Variants in FBRSL1 observed in about 807,000 individuals in gnomAD.
FBRSL1 encodes the protein fibrosin-1-like protein.
FBRSL1 carries 51 observed loss-of-function variants against 89.6 expected under a neutral mutation model. The ratio of observed to expected loss-of-function variants is 0.57; its 90% CI spans 0.45 to 0.72. The LOEUF (loss-of-function observed/expected upper bound fraction) is 0.72. Ranked by LOEUF, FBRSL1 falls within the 30% of genes least tolerant of loss-of-function variation. The pLI is 0.00. For missense variants in FBRSL1, 1,618 were observed against 1,451.8 expected, an observed-to-expected ratio of 1.11 and a Z score of -1.86; for synonymous variants, 779 against 681.1, an observed-to-expected ratio of 1.14 and a Z score of -2.24.
At chr12:132,574,619 G>C in intron 14 of FBRSL1, 55 bp downstream of exon 14, 2 of 1,526,286 alleles carry the variant, frequency 1.3e-6, no homozygotes, top group Non-Finnish European at 8.8e-7. Flanking sequence ...CAGCCTGGTC[G>C]GGCCCTGAAG....
rs184110966 is a variant in FBRSL1 at position 132,544,381 on chromosome 12, C to T, written c.616-3622C>T. Among the ~76,000 whole-genome samples the T allele has an allele frequency of 4.0e-3, 616 of 152,224 alleles. 2 individuals carry two copies. Among genetic ancestry groups the T allele is most frequent in the African/African-American group, 0.014 (577 of 41,528 alleles). Reference sequence around the variant, plus strand: ...GAGAGACTTGATATCGGGGTCTCCTCGTGGCTACAGGAAGGCTCACCTTTC... The same window carrying T: ...GAGAGACTTGATATCGGGGTCTCCTTGTGGCTACAGGAAGGCTCACCTTTC... On this transcript the variant is annotated intron_variant, in intron 4 of 18. Coordinates refer to ENST00000680143, the MANE Select transcript of FBRSL1 (RefSeq NM_001367871.1).
chr12:132,563,447 A>T (rs2039316476), intron 5 of FBRSL1, among the ~76,000 whole-genome samples: 1 of 148,074 alleles, frequency 6.8e-6, no homozygotes, highest in African/African-American at 2.5e-5. Context: ...CACAGCCTGC[A>T]CCATGTCTGG....
intron 5 of FBRSL1, chr12:132,554,504 C>CTT (rs1235271191): frequency 2.0e-5 from 3 of 152,216 alleles, no homozygotes; most frequent in Non-Finnish European, 4.4e-5. Context: ...AAATATGCAT[C>CTT]TTAATGCTTT....
At chr12:132,559,113 G>A (rs548649507) in intron 5 of FBRSL1, among the ~76,000 whole-genome samples, 54 of 152,352 alleles carry the variant, frequency 3.5e-4, no homozygotes, top group African/African-American at 1.3e-3. Flanking sequence ...GCTGGGCCTC[G>A]ATCCGAGTTC....
In FBRSL1 at chr12:132,574,685, C is replaced by T. The variant is rs951150700; in HGVS notation, c.1701+121C>T. The T allele has an allele frequency of 3.7e-5, 46 of 1,242,836 alleles. 1 individual carries two copies. Among genetic ancestry groups the T allele is most frequent in the Middle Eastern group, 2.7e-4 (1 of 3,712 alleles). The allele number at this position is 1,242,836 out of a possible 1,614,324, so 77.0% of individuals were successfully genotyped here. Reference sequence around the variant, plus strand: ...CGTGTGCACGGGTGTGATCCTCACGCGTGAGCCGCCTGCCCCTTCCTCTGG... The same window carrying T: ...CGTGTGCACGGGTGTGATCCTCACGTGTGAGCCGCCTGCCCCTTCCTCTGG... On this transcript the variant is annotated intron_variant, in intron 14 of 18. Coordinates refer to ENST00000680143, the MANE Select transcript of FBRSL1 (RefSeq NM_001367871.1).
At chr12:132,527,920 G>A in intron 3 of FBRSL1, 33 bp from the exon 4 acceptor site, 2 of 1,550,422 alleles carry the variant, frequency 1.3e-6, no homozygotes, top group Non-Finnish European at 1.7e-6. Context: ...CCGAGTGGCA[G>A]CCTCACTGAC....
chr12:132,506,456 G>A (rs954129923), intron 1 of FBRSL1, among the ~76,000 whole-genome samples: 1 of 152,202 alleles, frequency 6.6e-6, no homozygotes, highest in African/African-American at 2.4e-5. Context: ...TCTGCCCTCT[G>A]CCTGTCCCCT....
intron 15 of FBRSL1, among the ~76,000 whole-genome samples, chr12:132,579,769 CT>C (rs1406200814): frequency 6.6e-6 from 1 of 152,170 alleles, no homozygotes; most frequent in African/African-American, 2.4e-5. Context: ...AGGCGCTTTC[CT>C]TTTTTCTGCT....
At position 132,572,439 on chromosome 12, in the gene FBRSL1, C is replaced by G; in HGVS notation, c.1435-88C>G. The G allele has an allele frequency of 4.0e-6, 6 of 1,506,274 alleles. No individual in the cohort carries two copies. The South Asian group carries it at 6.0e-5, about 15-fold the overall frequency. The allele number at this position is 1,506,274 out of a possible 1,614,324, so 93.3% of individuals were successfully genotyped here. On this transcript the variant is annotated intron_variant, in intron 10 of 18. Coordinates refer to ENST00000680143, the MANE Select transcript of FBRSL1 (RefSeq NM_001367871.1). ...GGCTGCCCCTCGCCTGGCCTCGCCCCTGCTGCATTGGTGCCACCTTCTGGT... is the reference window on the plus strand; with the variant it reads ...GGCTGCCCCTCGCCTGGCCTCGCCCGTGCTGCATTGGTGCCACCTTCTGGT...
intron 11 of FBRSL1, 22 bp from the exon 12 acceptor site, chr12:132,574,068 A>G (rs544391323): frequency 5.6e-6 from 7 of 1,252,786 alleles, no homozygotes; most frequent in Non-Finnish European, 6.0e-6. Flanking sequence ...GGCGCACACA[A>G]GCTGTCTCTT....
chr12:132,583,987 C>T lies in FBRSL1; in HGVS notation c.*209C>T, dbSNP rs1204381488. 2 of 268,276 alleles carry T rather than the reference C, an allele frequency of 7.5e-6. No homozygotes were observed. The highest frequency in any genetic ancestry group is 5.9e-5 in the East Asian group (1 of 16,900). 16.6% of individuals were successfully genotyped at this position (268,276 alleles called of 1,614,324 possible). ...GATTCGGCTGTTGGGAAAAAAAAATCGCGTTTGTACCTTTTCCCCCCACAG... is the reference window on the plus strand; with the variant it reads ...GATTCGGCTGTTGGGAAAAAAAAATTGCGTTTGTACCTTTTCCCCCCACAG... On this transcript the variant is annotated 3_prime_UTR_variant, in exon 19 of 19. Transcript: ENST00000680143.
Position 132,509,926 on chromosome 12 carries a change from C to T in FBRSL1, c.489+1576C>T, listed in dbSNP as rs1424127236. 12 of 1,231,358 alleles carry T rather than the reference C, an allele frequency of 9.7e-6. No individual in the cohort carries two copies. In the Admixed American group the frequency reaches 2.1e-4, roughly 22 times the overall value. The allele number at this position is 1,231,358 out of a possible 1,614,324, so 76.3% of individuals were successfully genotyped here. A position where few individuals can be genotyped will look rare whatever the true frequency, so the allele number is the denominator to read the frequency against. Reference sequence around the variant, plus strand: ...TGCCCCCGGCGGGCCTTCCTAGCCCCGTGTCAGTACGGCCAGCCCCGAAGG... The same window carrying T: ...TGCCCCCGGCGGGCCTTCCTAGCCCTGTGTCAGTACGGCCAGCCCCGAAGG... On this transcript the variant is annotated intron_variant, in intron 2 of 18. Transcript: ENST00000680143.
chr12:132,567,344 C>A, intron 5 of FBRSL1, 137 bp from the exon 6 acceptor site: 1 of 768,148 alleles, frequency 1.3e-6, no homozygotes, highest in Non-Finnish European at 2.2e-6. Context: ...TCACCTCGTA[C>A]ACGGGGGCAT....
chr12:132,513,098 T>A (rs1405509470), intron 2 of FBRSL1, among the ~76,000 whole-genome samples: 1 of 152,270 alleles, frequency 6.6e-6, no homozygotes. Context: ...ATCTTTGATG[T>A]TTCTGAAGAG....
chr12:132,493,159 C>T (rs770846906), intron 1 of FBRSL1, among the ~76,000 whole-genome samples: 4 of 152,222 alleles, frequency 2.6e-5, no homozygotes, highest in East Asian at 3.8e-4. Context: ...AGTGAGCGGG[C>T]GCTGCCCTGC....
chr12:132,526,091 A>T (rs1310250771), intron 3 of FBRSL1, among the ~76,000 whole-genome samples: 1 of 152,252 alleles, frequency 6.6e-6, no homozygotes, highest in Non-Finnish European at 1.5e-5. Context: ...ACTCATTAGG[A>T]CTTTCCCATT....
At chr12:132,564,919 G>C (rs116119364) in intron 5 of FBRSL1, among the ~76,000 whole-genome samples, 13,371 of 144,128 alleles carry the variant, frequency 0.093, 1,316 homozygotes, top group African/African-American at 0.25. Flanking sequence ...GTGAGCCGCG[G>C]CCGGCCGCCC....
intron 2 of FBRSL1, chr12:132,511,977 G>C: frequency 5.1e-6 from 5 of 985,472 alleles, no homozygotes; most frequent in Non-Finnish European, 6.0e-6. Flanking sequence ...AATTTAAACA[G>C]ACGAGCATGT....
At chr12:132,534,546 G>A (rs936807606) in intron 4 of FBRSL1, among the ~76,000 whole-genome samples, 1 of 152,240 alleles carries the variant, frequency 6.6e-6, no homozygotes, top group African/African-American at 2.4e-5. Flanking sequence ...TGCCCCACAT[G>A]TGCCCACACA....
Sources: allele counts gnomAD v4.1 joint callset (sites outside exome capture counted in the v4.1 genomes callset), GRCh38; gene constraint gnomAD v4.1.1; transcripts MANE v1.5; gene names NCBI Gene and HGNC (gene_info 2026-07-23, HGNC 2026-07-21).